Variants in GAK observed in about 807,000 individuals in gnomAD.
GAK encodes the protein cyclin-G-associated kinase.
In GAK, 79 loss-of-function variants were observed where a neutral mutation model predicts 143.9. The observed-to-expected ratio is 0.55, with a 90% CI of 0.46 to 0.66. The LOEUF is 0.66. GAK is among the 30% of genes least tolerant of loss of function. The pLI, the probability that GAK is intolerant of heterozygous loss-of-function variation, is 0.00. For missense variants in GAK, 1,693 were observed against 1,779.7 expected (o/e 0.95, Z 0.88); for synonymous variants, 881 against 765.5 (o/e 1.15, Z -2.49).
intron 23 of GAK, among the ~76,000 whole-genome samples, chr4:861,360 G>A (rs900004536): frequency 6.6e-6 from 1 of 152,220 alleles, no homozygotes; most frequent in Admixed American, 6.5e-5. Flanking sequence ...GGCAGCTGAG[G>A]AAGGAGGGTG....
intron 14 of GAK, among the ~76,000 whole-genome samples, chr4:882,308 T>A (rs930553768): frequency 6.6e-6 from 1 of 152,166 alleles, no homozygotes; most frequent in Non-Finnish European, 1.5e-5. Flanking sequence ...AGACCCCTCA[T>A]GGAAACCTCA....
intron 11 of GAK, 92 bp from the exon 12 acceptor site, chr4:884,178 C>T: frequency 8.9e-7 from 1 of 1,120,948 alleles, no homozygotes; most frequent in Admixed American, 1.9e-5. Flanking sequence ...CCTGGAGAAG[C>T]CGTGGGGCTC....
chr4:897,966 C>A, intron 6 of GAK, 67 bp downstream of exon 6: 3 of 1,525,868 alleles, frequency 2.0e-6, no homozygotes, highest in Admixed American at 2.0e-5. Context: ...GAAAACAGCA[C>A]TCCGCACTCA....
intron 27 of GAK, 59 bp from the exon 28 acceptor site, chr4:849,833 G>GGGGGGGGGGGGGGC: frequency 1.7e-6 from 2 of 1,190,152 alleles, no homozygotes; most frequent in Non-Finnish European, 2.3e-6. Flanking sequence ...GGCGGGGCAG[G>GGGGGGGGGGGGGGC]ACCCCCCCCC....
intron 4 of GAK, 72 bp from the exon 5 acceptor site, chr4:904,851 C>G: frequency 6.7e-7 from 1 of 1,486,774 alleles, no homozygotes; most frequent in East Asian, 2.4e-5. Context: ...GGCTGTTTCA[C>G]GCGGACTTCC....
chr4:853,242 G>A (rs930677493), intron 24 of GAK: 6 of 152,320 alleles, frequency 3.9e-5, no homozygotes, highest in African/African-American at 9.6e-5. Flanking sequence ...GGGCCATCTC[G>A]TGGTGTGCAG....
At chr4:902,096 G>C (rs890801967) in intron 5 of GAK, among the ~76,000 whole-genome samples, 1 of 152,058 alleles carries the variant, frequency 6.6e-6, no homozygotes, top group African/African-American at 2.4e-5. Context: ...AAATTAGCCC[G>C]GCGTGGTGGC....
intron 9 of GAK, among the ~76,000 whole-genome samples, chr4:892,325 C>A (rs187967699): frequency 2.4e-4 from 37 of 152,244 alleles, no homozygotes; most frequent in African/African-American, 8.7e-4. Flanking sequence ...CAGACCCCTG[C>A]GAGATCTGCA....
At chr4:878,874 A>T (rs1714528854) in intron 15 of GAK, among the ~76,000 whole-genome samples, 1 of 152,176 alleles carries the variant, frequency 6.6e-6, no homozygotes, top group Non-Finnish European at 1.5e-5. Flanking sequence ...CGGGCCAGGC[A>T]GGTGACACCA....
intron 1 of GAK, among the ~76,000 whole-genome samples, chr4:920,321 CAAAA>C (rs923154164): frequency 6.7e-6 from 1 of 148,412 alleles, no homozygotes; most frequent in Non-Finnish European, 1.5e-5. Flanking sequence ...AAAAAAAAAA[CAAAA>C]AACCAACAAC....
intron 5 of GAK, among the ~76,000 whole-genome samples, chr4:903,717 G>T (rs914443265): frequency 1.4e-5 from 1 of 74,040 alleles, no homozygotes; most frequent in Non-Finnish European, 2.8e-5. Context: ...GTGGGGGGGC[G>T]GCCGAGGAAG....
At chr4:870,973 A>G (rs1712465722) in intron 18 of GAK, 69 bp from the exon 19 acceptor site, 2 of 1,360,044 alleles carry the variant, frequency 1.5e-6, no homozygotes, top group East Asian at 4.8e-5. Context: ...GACATTCACT[A>G]AAGAAACGTG....
chr4:900,753 G>A (rs1312108223), intron 5 of GAK, among the ~76,000 whole-genome samples: 5 of 152,096 alleles, frequency 3.3e-5, no homozygotes, highest in African/African-American at 1.2e-4. Context: ...TCCCTCAAAA[G>A]CAACCCTGTG....
intron 4 of GAK, among the ~76,000 whole-genome samples, chr4:907,952 C>T (rs1721379572): frequency 6.6e-6 from 1 of 152,176 alleles, no homozygotes; most frequent in African/African-American, 2.4e-5. Flanking sequence ...CACACCACCC[C>T]ATGCAGGGTC....
chr4:893,325 G>A (rs926964205), intron 9 of GAK, 52 bp downstream of exon 9: 8 of 1,309,398 alleles, frequency 6.1e-6, no homozygotes, highest in Non-Finnish European at 7.3e-6. Flanking sequence ...GGGCTCATGT[G>A]TGCCTCCTTC....
In GAK at chr4:897,975, C is replaced by T. The variant is rs1054935415; in HGVS notation, c.651+58G>A. ...CCGGCGGAAAACAGCACTCCGCACT[C>T]AGGGCGTGGAATGTGGGAAGGGCCA... On this transcript the variant is annotated intron_variant, in intron 6 of 27. Transcript: ENST00000314167. 4 of 1,551,860 alleles carry T rather than the reference C, an allele frequency of 2.6e-6. No homozygotes were observed. The African/African-American group carries it at 5.5e-5, about 21-fold the overall frequency.
chr4:849,942 G>T lies in GAK; in HGVS notation c.3784C>A (p.Gln1262Lys), dbSNP rs1262506758. 4 of 1,608,174 alleles carry T rather than the reference G, an allele frequency of 2.5e-6. No homozygotes were observed. The East Asian group carries it at 6.7e-5, about 27-fold the overall frequency. Residue 1262 changes from glutamine (Q) to lysine (K), a missense_variant, in exon 27 of 28, where the codon CAA (glutamine) becomes AAA (lysine). Gln to Lys is a moderately conservative substitution (Grantham distance 53). Coordinates refer to ENST00000314167, the MANE Select transcript of GAK (RefSeq NM_005255.4). ...GCGCGGCGATAGTGCTTCTTCACTT[G>T]CTCCGGAGCCACCAGGTCGGCCATG... ...VGMADLVAPE[Q>K]VKKHYRRAVL... is the part of the protein sequence containing the mutation.
rs777017357 is a variant in GAK at position 882,794 on chromosome 4, C to G, written c.1430G>C (p.Arg477Pro). 6.2e-7 allele frequency: 1 copy of G among 1,610,198 alleles called. No individual in the cohort carries two copies. The highest frequency in any genetic ancestry group is 1.1e-5 in the South Asian group (1 of 90,990). ...NRVSECGWAA[R>P]RAPHLHTLYN... ...CAGGGTGTGCAGGTGTGGGGCCCGCCGTGCTGCCCAGCCACACTCGGAGAC... is the reference window on the plus strand; with the variant it reads ...CAGGGTGTGCAGGTGTGGGGCCCGCGGTGCTGCCCAGCCACACTCGGAGAC... The change falls in exon 14 of 28, where the codon CGG becomes CCG. Residue 477 changes from arginine (R) to proline (P), a missense_variant. Arg to Pro is a moderately radical substitution (Grantham distance 103). Around this residue, in one of 2 missense-constraint regions of GAK, gnomAD observed 871 missense variants for 991.0 expected, o/e 0.88. Coordinates refer to ENST00000314167, the MANE Select transcript of GAK (RefSeq NM_005255.4).
At chr4:929,328 C>G (rs1426836412) in intron 1 of GAK, among the ~76,000 whole-genome samples, 1 of 152,230 alleles carries the variant, frequency 6.6e-6, no homozygotes. Flanking sequence ...TACGCTTAAA[C>G]CATACGACGG....
Sources: allele counts gnomAD v4.1 joint callset (sites outside exome capture counted in the v4.1 genomes callset), GRCh38; gene constraint gnomAD v4.1.1; regional missense constraint gnomAD v4.1.1; transcripts MANE v1.5; gene names NCBI Gene and HGNC (gene_info 2026-07-23, HGNC 2026-07-21).